INTS4: variants seen among roughly 807,000 people sequenced by gnomAD.
INTS4 encodes MSTP093.
In INTS4, 70 loss-of-function variants were observed where a neutral mutation model predicts 119.5. That is an observed-to-expected ratio of 0.59 (90% CI 0.48 to 0.71). The LOEUF is 0.71. INTS4 is among the 30% of genes least tolerant of loss of function. INTS4 has a pLI of 0.00. For missense variants in INTS4, 867 were observed against 1,173.2 expected (o/e 0.74, Z 3.81); for synonymous variants, 316 against 419.6 (o/e 0.75, Z 3.02).
At chr11:77,919,813 CTT>C (rs1181231448) in intron 14 of INTS4, among the ~76,000 whole-genome samples, 3 of 151,908 alleles carry the variant, frequency 2.0e-5, no homozygotes, top group African/African-American at 7.3e-5. Context: ...ATCTACTTGT[CTT>C]TTGTTTTTTT....
chr11:77,975,791 A>C (rs1031707679), intron 4 of INTS4, among the ~76,000 whole-genome samples: 2 of 152,088 alleles, frequency 1.3e-5, no homozygotes, highest in Non-Finnish European at 2.9e-5. Flanking sequence ...CCCCGTCTCT[A>C]CTAAAAATAC....
At chr11:77,955,062 GGGAGTAGTGGCT>G (rs1447478923) in intron 8 of INTS4, among the ~76,000 whole-genome samples, 16 of 147,662 alleles carry the variant, frequency 1.1e-4, no homozygotes, top group Admixed American at 5.5e-4. Flanking sequence ...TTCTGGGGCT[GGGAGTAGTGGCT>G]TAAACCTGTA....
At chr11:77,934,434 T>C (rs567853217) in intron 10 of INTS4, among the ~76,000 whole-genome samples, 1 of 150,678 alleles carries the variant, frequency 6.6e-6, no homozygotes, top group Non-Finnish European at 1.5e-5. Flanking sequence ...TGCCTAGATC[T>C]GCACATTTCT....
chr11:77,899,044 A>T (rs1327861890), intron 18 of INTS4, among the ~76,000 whole-genome samples: 2 of 152,058 alleles, frequency 1.3e-5, no homozygotes, highest in African/African-American at 2.4e-5. Flanking sequence ...AAAATAAATA[A>T]ATGGTTTTGC....
intron 17 of INTS4, among the ~76,000 whole-genome samples, chr11:77,902,087 A>T (rs571861677): frequency 6.6e-6 from 1 of 152,250 alleles, no homozygotes; most frequent in South Asian, 2.1e-4. Flanking sequence ...CAAATAAGCG[A>T]TTTTCATCAA....
At chr11:77,881,918 T>C (rs1354733427) in intron 22 of INTS4, among the ~76,000 whole-genome samples, 1 of 151,896 alleles carries the variant, frequency 6.6e-6, no homozygotes, top group African/African-American at 2.4e-5. Flanking sequence ...ATGGTTTTTT[T>C]TTTTTTCTTT....
intron 8 of INTS4, among the ~76,000 whole-genome samples, chr11:77,944,921 T>C (rs963980236): frequency 3.3e-5 from 5 of 152,138 alleles, no homozygotes; most frequent in African/African-American, 1.2e-4. Flanking sequence ...ACTCAATCTG[T>C]ATGAAGATTT....
At chr11:77,927,003 G>A (rs1953522539) in intron 11 of INTS4, among the ~76,000 whole-genome samples, 1 of 152,196 alleles carries the variant, frequency 6.6e-6, no homozygotes, top group Admixed American at 6.6e-5. Context: ...GGGAGTAACA[G>A]TTAGGGAAGG....
chr11:77,908,606 C>T (rs1462537863), intron 15 of INTS4, among the ~76,000 whole-genome samples: 2 of 152,092 alleles, frequency 1.3e-5, no homozygotes, highest in East Asian at 3.9e-4. Flanking sequence ...GGATTACAGG[C>T]GTGAGCCACC....
chr11:77,969,146 G>A lies in INTS4; in HGVS notation c.472-8008C>T, dbSNP rs1028786983. On this transcript the variant is annotated intron_variant, in intron 4 of 22. Coordinates refer to ENST00000534064, the MANE Select transcript of INTS4 (RefSeq NM_033547.4). ...ACAGGGTTATCACCATGTTGGCCAG[G>A]CTGGTCTCAAACTCCTGGCCTCAAG... is the stretch of plus-strand genomic sequence containing the variant. Among the ~76,000 whole-genome samples the A allele has an allele frequency of 4.6e-5, 7 of 152,180 alleles. No individual in the cohort carries two copies. In the East Asian group the frequency reaches 9.7e-4, roughly 21 times the overall value.
chr11:77,961,650 A>G (rs1213746157), intron 4 of INTS4, among the ~76,000 whole-genome samples: 1 of 152,174 alleles, frequency 6.6e-6, no homozygotes, highest in African/African-American at 2.4e-5. Flanking sequence ...CAACCTCACC[A>G]CATCACCACC....
intron 4 of INTS4, among the ~76,000 whole-genome samples, chr11:77,971,803 C>T (rs192526343): frequency 9.9e-4 from 150 of 152,136 alleles, no homozygotes; most frequent in South Asian, 6.4e-3. Context: ...TCTTTTAGAA[C>T]GTGTGCTTTT....
At chr11:77,939,553 C>A (rs1248111973) in intron 9 of INTS4, among the ~76,000 whole-genome samples, 1 of 152,174 alleles carries the variant, frequency 6.6e-6, no homozygotes, top group Non-Finnish European at 1.5e-5. Context: ...TCACTTTACA[C>A]AGAGATTGCC....
At chr11:77,956,120 A>C in intron 7 of INTS4, 58 bp from the exon 8 acceptor site, 1 of 1,542,140 alleles carries the variant, frequency 6.5e-7, no homozygotes, top group African/African-American at 1.4e-5. Flanking sequence ...CTAAGTCTGC[A>C]GGCTCAGGCC....
chr11:77,882,876 G>C (rs2136357134), intron 22 of INTS4, among the ~76,000 whole-genome samples: 1 of 152,236 alleles, frequency 6.6e-6, no homozygotes, highest in Non-Finnish European at 1.5e-5. Context: ...TTCGAGACTA[G>C]CTTGGCCAAC....
intron 8 of INTS4, among the ~76,000 whole-genome samples, chr11:77,947,674 G>T (rs573093223): frequency 6.6e-6 from 1 of 152,064 alleles, no homozygotes; most frequent in Non-Finnish European, 1.5e-5. Flanking sequence ...AATTCAAAAT[G>T]GTCAAAAACT....
intron 10 of INTS4, among the ~76,000 whole-genome samples, chr11:77,936,622 T>C (rs1953797892): frequency 6.6e-6 from 1 of 152,166 alleles, no homozygotes; most frequent in Non-Finnish European, 1.5e-5. Context: ...CTAATCAAAC[T>C]TCTAGAGACA....
At chr11:77,972,427 T>C (rs1205622827) in intron 4 of INTS4, among the ~76,000 whole-genome samples, 1 of 151,774 alleles carries the variant, frequency 6.6e-6, no homozygotes. Context: ...ACTTTTTTTT[T>C]TATTTTTGAG....
In INTS4 at chr11:77,953,338, T is replaced by C. The variant is rs148174109; in HGVS notation, c.918+2604A>G. Among the ~76,000 whole-genome samples, 670 of 152,342 alleles carry C rather than the reference T, an allele frequency of 4.4e-3. 3 individuals are homozygous for C. Among genetic ancestry groups the C allele is most frequent in the African/African-American group, 0.015 (631 of 41,582 alleles). On this transcript the variant is annotated intron_variant, in intron 8 of 22. Coordinates refer to ENST00000534064, the MANE Select transcript of INTS4 (RefSeq NM_033547.4). The stretch of plus-strand genomic sequence containing the variant: ...AGATACTTACACACACATATATTTA[T>C]ATACTATGCCCCCACCCACCCTACA...
Sources: allele counts gnomAD v4.1 joint callset (sites outside exome capture counted in the v4.1 genomes callset), GRCh38; gene constraint gnomAD v4.1.1; transcripts MANE v1.5; gene names NCBI Gene and HGNC (gene_info 2026-07-23, HGNC 2026-07-21).